AGRN: variants seen among roughly 807,000 people sequenced by gnomAD.
AGRN encodes agrin.
AGRN carries 106 observed loss-of-function variants against 211.0 expected under a neutral mutation model. The ratio of observed to expected loss-of-function variants is 0.50; its 90% CI spans 0.43 to 0.59. The LOEUF (loss-of-function observed/expected upper bound fraction) is 0.59. Among genes scored for constraint, AGRN ranks in the 20% least tolerant of loss-of-function variants. The pLI is 0.00. For missense variants in AGRN, 3,040 were observed against 2,982.6 expected (o/e 1.02, Z -0.45); for synonymous variants, 1,525 against 1,332.5 (o/e 1.14, Z -3.15).
At position 1,051,238 on chromosome 1, in the gene AGRN, C is replaced by T; in HGVS notation, c.5254-15C>T. 5 of 1,579,610 alleles carry T rather than the reference C, an allele frequency of 3.2e-6. No individual in the cohort carries two copies. Among genetic ancestry groups the T allele is most frequent in the East Asian group, 4.6e-5 (2 of 43,080 alleles). The stretch of plus-strand genomic sequence containing the variant: ...GGGTGGGCTCTGCACAGCCACTTAC[C>T]TGGCGTCCCCGCAGGTTCCGCACAC... On this transcript the variant is annotated splice_polypyrimidine_tract_variant and intron_variant, in intron 30 of 35. Transcript: ENST00000379370.
At chr1:1,046,786 C>T in intron 18 of AGRN, 34 bp from the exon 19 acceptor site, 1 of 1,574,696 alleles carries the variant, frequency 6.4e-7, no homozygotes, top group Non-Finnish European at 8.6e-7. Flanking sequence ...CGAGAGGCTC[C>T]ACCAGAGCCT....
Position 1,031,393 on chromosome 1 carries a change from G to T in AGRN, c.464-3884G>T, listed in dbSNP as rs928368202. Among the ~76,000 whole-genome samples, 19 of 152,154 alleles carry T rather than the reference G, an allele frequency of 1.2e-4. No individual in the cohort carries two copies. The highest frequency in any genetic ancestry group is 4.6e-4 in the African/African-American group (19 of 41,430). On this transcript the variant is annotated intron_variant, in intron 2 of 35. Coordinates refer to ENST00000379370, the MANE Select transcript of AGRN (RefSeq NM_198576.4). This position sits in a 1 kb window ranked among gnomAD's most constrained non-coding sequence, Gnocchi z 4.8. ...CTGCGTGGGCTGGTCAGGGCTGAAT[G>T]ATTTTGTCTGAAGATCCCAAAATAG...
chr1:1,051,985 T>C, intron 33 of AGRN, 170 bp downstream of exon 33: 1 of 1,544,376 alleles, frequency 6.5e-7, no homozygotes. Context: ...TGTCTCTTTG[T>C]TTCCAAGCGA....
intron 6 of AGRN, 57 bp downstream of exon 6, chr1:1,041,759 T>A: frequency 3.4e-6 from 5 of 1,461,444 alleles, no homozygotes; most frequent in Non-Finnish European, 1.8e-6. Flanking sequence ...GGTGGGCGGC[T>A]CCCCCGGGGG....
rs755467815 is a variant in AGRN, at chr1:1,049,275, C to T, written c.4338C>T (p.Ala1446=). ...TGSGPAVLTS[A]VPVEPGQWHR... Reference sequence around the variant, plus strand: ...CGGGGCCGGCGGTGCTGACCAGTGCCGTGCCGGTAGAGCCGGGCCAGTGGC... The same window carrying T: ...CGGGGCCGGCGGTGCTGACCAGTGCTGTGCCGGTAGAGCCGGGCCAGTGGC... Residue 1446 remains alanine, a synonymous_variant, in exon 25 of 36, where the codon GCC becomes GCT. Transcript: ENST00000379370. 1.1e-4 allele frequency: 176 copies of T among 1,594,968 alleles called. No homozygotes were observed. Among genetic ancestry groups the T allele is most frequent in the Middle Eastern group, 1.7e-4 (1 of 6,060 alleles).
chr1:1,045,600 C>T (rs1645068810), intron 14 of AGRN, 77 bp downstream of exon 14: 2 of 1,604,066 alleles, frequency 1.2e-6, no homozygotes, highest in South Asian at 1.1e-5. Flanking sequence ...CTTCTCCTCA[C>T]CTGCCCAGGC....
At chr1:1,039,910 CA>C (rs1644888639) in intron 3 of AGRN, among the ~76,000 whole-genome samples, 1 of 152,126 alleles carries the variant, frequency 6.6e-6, no homozygotes, top group South Asian at 2.1e-4. Flanking sequence ...GGGGGCTGGC[CA>C]GGGAGAATAG....
intron 35 of AGRN, 21 bp from the exon 36 acceptor site, chr1:1,054,803 C>T: frequency 6.5e-7 from 1 of 1,549,170 alleles, no homozygotes; most frequent in Middle Eastern, 2.3e-4. Context: ...AGCCGGGTGA[C>T]TCCCACTGTC....
chr1:1,025,718 G>T (rs570631736), intron 2 of AGRN, among the ~76,000 whole-genome samples: 10 of 152,206 alleles, frequency 6.6e-5, no homozygotes, highest in Non-Finnish European at 1.2e-4. Context: ...GCTGGGAGGG[G>T]GTCTGCCGGG....
rs1225819020 is a variant in AGRN at position 1,054,901 on chromosome 1, G to A, written c.6058G>A (p.Val2020Met). ...GTGFVGCLRD[V>M]VVGRHPLHLL... ...AGGCTTTGTGGGCTGCTTGCGGGAC[G>A]TGGTGGTGGGCCGGCACCCGCTGCA... The change falls in exon 36 of 36, where the codon GTG becomes ATG. Residue 2020 changes from valine (V) to methionine (M), a missense_variant. Val to Met is a conservative substitution (Grantham distance 21, BLOSUM62 1). Coordinates refer to ENST00000379370, the MANE Select transcript of AGRN (RefSeq NM_198576.4). The A allele has an allele frequency of 3.9e-6, 6 of 1,549,266 alleles. No individual in the cohort carries two copies. The African/African-American group carries it at 4.1e-5, about 11-fold the overall frequency.
chr1:1,022,168 G>A lies in AGRN; in HGVS notation c.202-33G>A, dbSNP rs928130162. On this transcript the variant is annotated intron_variant, in intron 1 of 35. Coordinates refer to ENST00000379370, the MANE Select transcript of AGRN (RefSeq NM_198576.4). ...CAGTCTAGCCCCTTCCCCAGGAGAG[G>A]ACTAATGACACCTACCGCCATGTCC... is the stretch of plus-strand genomic sequence containing the variant. 29 of 1,612,600 alleles carry A rather than the reference G, an allele frequency of 1.8e-5. No individual in the cohort carries two copies. In the Admixed American group the frequency reaches 2.8e-4, roughly 16 times the overall value.
chr1:1,048,315 G>A lies in AGRN; in HGVS notation c.4055G>A (p.Gly1352Asp), dbSNP rs200612540. ...GTCQDWALGG[G>D]FTCSCPAGRG... ...TGCCAGGACTGGGCATTGGGCGGGG[G>A]CTTCACCTGCAGCTGCCCGGCAGGC... The change falls in exon 23 of 36, where the codon GGC (glycine) becomes GAC (aspartate). Residue 1352 changes from glycine to aspartate, a missense_variant. Gly to Asp is a moderately conservative substitution (Grantham distance 94, BLOSUM62 -1). Coordinates refer to ENST00000379370, the MANE Select transcript of AGRN (RefSeq NM_198576.4). The surrounding 1 kb of genome is among the most constrained non-coding windows in gnomAD (Gnocchi z 5.9). The A allele has an allele frequency of 2.2e-4, 334 of 1,487,112 alleles. 3 individuals are homozygous for A. The East Asian group carries it at 6.7e-3, about 30-fold the overall frequency. The allele number at this position is 1,487,112 out of a possible 1,614,324, so 92.1% of individuals were successfully genotyped here.
chr1:1,038,258 C>T (rs1315407162), intron 3 of AGRN, among the ~76,000 whole-genome samples: 1 of 152,194 alleles, frequency 6.6e-6, no homozygotes, highest in Non-Finnish European at 1.5e-5. Context: ...GGGGCCAGGA[C>T]CTGGCCCTGC....
At position 1,049,365 on chromosome 1, in the gene AGRN, T is replaced by A; in HGVS notation, c.4428T>A (p.Val1476=). Residue 1476 remains valine (V), a synonymous_variant, in exon 25 of 36, where the codon GTT becomes GTA. Coordinates refer to ENST00000379370, the MANE Select transcript of AGRN (RefSeq NM_198576.4). ...GTLSVDGETP[V]LGESPSGTDG... ...TCTCGGTGGATGGTGAGACCCCTGT[T>A]CTGGGCGAGAGTCCCAGTGGCACCG... 6.3e-7 allele frequency: 1 copy of A among 1,598,128 alleles called. No homozygotes were observed. The highest frequency in any genetic ancestry group is 8.5e-7 in the Non-Finnish European group (1 of 1,179,532).
intron 4 of AGRN, 35 bp from the exon 5 acceptor site, chr1:1,041,138 G>A: frequency 7.6e-7 from 1 of 1,313,148 alleles, no homozygotes; most frequent in South Asian, 1.8e-5. Flanking sequence ...CGGGGGCGGG[G>A]GCGGCCCGTC....
At chr1:1,020,679 G>C (rs1391402166) in intron 1 of AGRN, among the ~76,000 whole-genome samples, 1 of 137,402 alleles carries the variant, frequency 7.3e-6, no homozygotes, top group Non-Finnish European at 1.7e-5. Flanking sequence ...AGGGGCCTGG[G>C]GAGGGGGGGC....
chr1:1,034,124 C>T, intron 2 of AGRN: 8 of 985,358 alleles, frequency 8.1e-6, no homozygotes, highest in Non-Finnish European at 8.4e-6. Flanking sequence ...CCTATCGCCG[C>T]TTCCGCCTCT....
At chr1:1,020,427 A>T in intron 1 of AGRN, 54 bp downstream of exon 1, 1 of 1,463,232 alleles carries the variant, frequency 6.8e-7, no homozygotes, top group South Asian at 1.3e-5. Flanking sequence ...CCCCGCCGGG[A>T]CCCCCGCCCC....
chr1:1,034,022 G>A (rs988134706), intron 2 of AGRN: 1 of 681,150 alleles, frequency 1.5e-6, no homozygotes. Flanking sequence ...CGGGGACGAG[G>A]GGAGCTGGAG....
Sources: gnomAD v4.1 joint callset for allele counts (sites outside exome capture counted in the v4.1 genomes callset) on GRCh38, gnomAD v4.1.1 for gene constraint, Gnocchi (gnomAD v3.1) non-coding constraint, MANE v1.5 for transcripts, NCBI Gene and HGNC (gene_info 2026-07-23, HGNC 2026-07-21) for gene names.